AGFG1: variants seen among roughly 807,000 people sequenced by gnomAD.
AGFG1 encodes arf-GAP domain and FG repeat-containing protein 1.
A neutral mutation model predicts 60.6 loss-of-function variants in AGFG1; 10 were observed. That is an observed-to-expected ratio of 0.16 (90% CI 0.10 to 0.28). The LOEUF is 0.28. Among genes scored for constraint, AGFG1 ranks in the 10% least tolerant of loss-of-function variants. The pLI, the probability that AGFG1 is intolerant of heterozygous loss-of-function variation, is 1.00. For synonymous variants in AGFG1, 247 were observed against 242.9 expected (o/e 1.02, Z -0.16); for missense variants, 537 against 676.5 (o/e 0.79, Z 2.29).
At chr2:227,535,328 C>A (rs1692275908) in intron 8 of AGFG1, among the ~76,000 whole-genome samples, 1 of 152,130 alleles carries the variant, frequency 6.6e-6, no homozygotes, top group South Asian at 2.1e-4. Flanking sequence ...GCAGAGAATC[C>A]ATTTAGTAGT....
intron 2 of AGFG1, chr2:227,508,167 C>T (rs1007666774): frequency 6.5e-5 from 10 of 153,402 alleles, no homozygotes; most frequent in Admixed American, 5.8e-4. Flanking sequence ...GTTCCTTGGC[C>T]AATGACTACA....
chr2:227,495,380 C>T (rs1386256404), intron 2 of AGFG1, among the ~76,000 whole-genome samples: 1 of 151,830 alleles, frequency 6.6e-6, no homozygotes, highest in Non-Finnish European at 1.5e-5. Flanking sequence ...GATCCCATCT[C>T]TCCAAAAATT....
chr2:227,546,051 G>GT (rs1179369570), intron 10 of AGFG1, among the ~76,000 whole-genome samples: 1 of 152,246 alleles, frequency 6.6e-6, no homozygotes, highest in East Asian at 1.9e-4. Context: ...GTCTCCAGAA[G>GT]TTTCTGCTGC....
intron 10 of AGFG1, among the ~76,000 whole-genome samples, chr2:227,549,636 AT>A (rs1692761103): frequency 6.6e-6 from 1 of 152,214 alleles, no homozygotes. Context: ...ACAATCTAGC[AT>A]TGTTCATGCA....
intron 2 of AGFG1, among the ~76,000 whole-genome samples, chr2:227,509,909 T>C (rs997503003): frequency 3.9e-5 from 6 of 152,128 alleles, no homozygotes; most frequent in African/African-American, 7.2e-5. Context: ...AAAACTGATA[T>C]ATTTAACTAG....
rs1690118208 is a variant in AGFG1, at chr2:227,472,397, G to C, written c.-25G>C. 2 of 1,405,846 alleles carry C rather than the reference G, an allele frequency of 1.4e-6. No homozygotes were observed. Among genetic ancestry groups the C allele is most frequent in the Non-Finnish European group, 1.9e-6 (2 of 1,066,138 alleles). The allele number at this position is 1,405,846 out of a possible 1,614,324, so 87.1% of individuals were successfully genotyped here. On this transcript the variant is annotated 5_prime_UTR_variant, in exon 1 of 13. Transcript: ENST00000310078. ...GCGCTGCCCGGCTCCCGGCCCTGCC[G>C]GCCTCCTCCCTTGGCGCCGCGGCCA...
chr2:227,553,365 G>A (rs1029756963), intron 11 of AGFG1, among the ~76,000 whole-genome samples: 2 of 152,040 alleles, frequency 1.3e-5, no homozygotes, highest in African/African-American at 2.4e-5. Context: ...GCGTGCTGGC[G>A]TGTGCCTGTA....
chr2:227,552,094 C>T lies in AGFG1; in HGVS notation c.1514C>T (p.Thr505Ile). The change falls in exon 11 of 13, where the codon ACA becomes ATA. Residue 505 changes from threonine (T) to isoleucine (I), a missense_variant. Thr to Ile is a moderately conservative substitution (Grantham distance 89). Around this residue, in one of 4 missense-constraint regions of AGFG1, gnomAD observed 287 missense variants for 343.6 expected, o/e 0.84. Coordinates refer to ENST00000310078, the MANE Select transcript of AGFG1 (RefSeq NM_004504.5). ...GCCCAAGCAGCTTTCCCTCAACAGA[C>T]AGCTTTTTCTCAACAGCCCAATGGT... is the stretch of plus-strand genomic sequence containing the variant. ...FPAQAAFPQQTAFSQQPNGAG... is the reference protein window; with the variant it reads ...FPAQAAFPQQIAFSQQPNGAG... The T allele has an allele frequency of 6.2e-7, 1 of 1,614,192 alleles. No individual in the cohort carries two copies. The highest frequency in any genetic ancestry group is 8.5e-7 in the Non-Finnish European group (1 of 1,180,024).
In AGFG1 at chr2:227,552,056, G is replaced by A. The variant is rs1394205059; in HGVS notation, c.1476G>A (p.Gln492=). ...LPTSFSGSFQ[Q]PAFPAQAAFP... ...CCAGCTTTAGTGGCAGCTTTCAGCA[G>A]CCTGCCTTTCCAGCCCAAGCAGCTT... Residue 492 remains glutamine (Q), a synonymous_variant, in exon 11 of 13, where the codon CAG becomes CAA. Transcript: ENST00000310078. The A allele has an allele frequency of 6.2e-7, 1 of 1,614,172 alleles. No individual in the cohort carries two copies. The highest frequency in any genetic ancestry group is 1.7e-5 in the Admixed American group (1 of 60,020).
chr2:227,495,538 A>C (rs1028557165), intron 2 of AGFG1, among the ~76,000 whole-genome samples: 1 of 144,666 alleles, frequency 6.9e-6, no homozygotes, highest in Non-Finnish European at 1.5e-5. Flanking sequence ...CAAGCGAGAT[A>C]CTGTCTCAAA....
rs1559190494 is a variant in AGFG1 at position 227,531,181 on chromosome 2, G to A, written c.785G>A (p.Ser262Asn). The part of the protein sequence containing the change: ...SSNFGGFPTA[S>N]HSPFQPQTTG... Reference sequence around the variant, plus strand: ...AATTTTGGAGGTTTCCCCACAGCAAGTCACTCTCCTTTTCAGCCCCAAACT... The same window carrying A: ...AATTTTGGAGGTTTCCCCACAGCAAATCACTCTCCTTTTCAGCCCCAAACT... The change falls in exon 6 of 13, where the codon AGT becomes AAT. Residue 262 changes from serine to asparagine, a missense_variant. Around this residue, in one of 4 missense-constraint regions of AGFG1, gnomAD observed 287 missense variants for 343.6 expected, o/e 0.84. Coordinates refer to ENST00000310078, the MANE Select transcript of AGFG1 (RefSeq NM_004504.5). 6.2e-7 allele frequency: 1 copy of A among 1,613,714 alleles called. No homozygotes were observed. The highest frequency in any genetic ancestry group is 8.5e-7 in the Non-Finnish European group (1 of 1,179,792).
chr2:227,540,519 A>C (rs909099319), intron 10 of AGFG1, among the ~76,000 whole-genome samples: 5 of 152,214 alleles, frequency 3.3e-5, no homozygotes, highest in Admixed American at 3.3e-4. Flanking sequence ...TACAAAGGAC[A>C]TGAACTCATC....
chr2:227,553,275 A>G (rs566553936), intron 11 of AGFG1, among the ~76,000 whole-genome samples: 18 of 152,274 alleles, frequency 1.2e-4, no homozygotes, highest in African/African-American at 3.8e-4. Context: ...AGACAGGTGG[A>G]TCAGTCGAGT....
intron 2 of AGFG1, among the ~76,000 whole-genome samples, chr2:227,516,841 T>A (rs1017772116): frequency 6.6e-6 from 1 of 152,182 alleles, no homozygotes; most frequent in African/African-American, 2.4e-5. Context: ...TCAAATACAG[T>A]CAATAGTTTC....
intron 2 of AGFG1, among the ~76,000 whole-genome samples, chr2:227,500,381 T>C (rs1691117981): frequency 6.6e-6 from 1 of 152,206 alleles, no homozygotes; most frequent in Non-Finnish European, 1.5e-5. Context: ...TGCCATCTAA[T>C]GGCAGCATAG....
intron 2 of AGFG1, among the ~76,000 whole-genome samples, chr2:227,504,279 A>G (rs1009594865): frequency 6.7e-5 from 10 of 150,140 alleles, no homozygotes; most frequent in African/African-American, 2.5e-4. Context: ...TGCAGCCTTG[A>G]CTTCCTGGGC....
chr2:227,472,353 A>G lies in AGFG1; in HGVS notation c.-69A>G. The G allele has an allele frequency of 1.0e-6, 1 of 979,058 alleles. No individual in the cohort carries two copies. Among genetic ancestry groups the G allele is most frequent in the Non-Finnish European group, 1.2e-6 (1 of 814,098 alleles). The allele number at this position is 979,058 out of a possible 1,614,324, so 60.6% of individuals were successfully genotyped here. The stretch of plus-strand genomic sequence containing the variant: ...GGCCGCGGCCAGGGCGGCCCGTGGG[A>G]CCGCGGGCCCCCGGCGCAGCGCTGC... On this transcript the variant is annotated 5_prime_UTR_variant, in exon 1 of 13. Coordinates refer to ENST00000310078, the MANE Select transcript of AGFG1 (RefSeq NM_004504.5).
chr2:227,503,165 G>GT (rs1411725833), intron 2 of AGFG1, among the ~76,000 whole-genome samples: 1 of 151,452 alleles, frequency 6.6e-6, no homozygotes, highest in Non-Finnish European at 1.5e-5. Context: ...CTTTGGGGAG[G>GT]TTTTAGGCTG....
chr2:227,508,615 G>A (rs1254787983), intron 2 of AGFG1: 1 of 470,592 alleles, frequency 2.1e-6, no homozygotes, highest in Non-Finnish European at 4.4e-6. Flanking sequence ...AATATCTTTG[G>A]GAGTGAGAAT....
Sources: gnomAD v4.1 joint callset for allele counts (sites outside exome capture counted in the v4.1 genomes callset) on GRCh38, gnomAD v4.1.1 for gene constraint, gnomAD v4.1.1 regional missense constraint, MANE v1.5 for transcripts, NCBI Gene and HGNC (gene_info 2026-07-23, HGNC 2026-07-21) for gene names.